Variants in HCN1 observed in about 807,000 individuals in gnomAD.
HCN1 encodes potassium/sodium hyperpolarization-activated cyclic nucleotide-gated channel 1.
A neutral mutation model predicts 78.9 loss-of-function variants in HCN1; 13 were observed. That is an observed-to-expected ratio of 0.16 (90% CI 0.11 to 0.26). The LOEUF is 0.26. HCN1 is among the 10% of genes least tolerant of loss of function. The pLI is 1.00. For missense variants in HCN1, 810 were observed against 1,154.3 expected, an observed-to-expected ratio of 0.70 and a Z score of 4.32; for synonymous variants, 552 against 455.5, an observed-to-expected ratio of 1.21 and a Z score of -2.70.
intron 2 of HCN1, among the ~76,000 whole-genome samples, chr5:45,623,113 A>G (rs1054487792): frequency 1.3e-5 from 2 of 152,098 alleles, no homozygotes; most frequent in Admixed American, 1.3e-4. Context: ...TTCATAATAC[A>G]CCACTTTTCA....
intron 2 of HCN1, among the ~76,000 whole-genome samples, chr5:45,567,895 A>C (rs1743742604): frequency 7.4e-6 from 1 of 134,546 alleles, no homozygotes; most frequent in Non-Finnish European, 1.6e-5. Context: ...CCTCTATCTT[A>C]CTTTCATATG....
chr5:45,679,360 T>C (rs1481675223), intron 1 of HCN1, among the ~76,000 whole-genome samples: 1 of 152,080 alleles, frequency 6.6e-6, no homozygotes, highest in African/African-American at 2.4e-5. Flanking sequence ...CAGCTAATAC[T>C]GCATTTGGAA....
At chr5:45,588,592 T>C (rs1246654406) in intron 2 of HCN1, among the ~76,000 whole-genome samples, 1 of 152,162 alleles carries the variant, frequency 6.6e-6, no homozygotes, top group African/African-American at 2.4e-5. Flanking sequence ...CCAGGCATTA[T>C]GATAATTTTA....
At chr5:45,303,146 G>T (rs1285787555) in intron 6 of HCN1, among the ~76,000 whole-genome samples, 1 of 152,054 alleles carries the variant, frequency 6.6e-6, no homozygotes, top group Non-Finnish European at 1.5e-5. Flanking sequence ...GAATAGCAAT[G>T]ATTTTTGCAA....
chr5:45,633,140 T>A (rs1358166480), intron 2 of HCN1, among the ~76,000 whole-genome samples: 1 of 151,954 alleles, frequency 6.6e-6, no homozygotes, highest in Non-Finnish European at 1.5e-5. Context: ...TAAGACTGCC[T>A]ATAAAATTAA....
chr5:45,360,963 G>A (rs903708462), intron 4 of HCN1, among the ~76,000 whole-genome samples: 9 of 151,990 alleles, frequency 5.9e-5, no homozygotes, highest in African/African-American at 2.2e-4. Flanking sequence ...ATATGCAAAA[G>A]CTTTTTTGAA....
At chr5:45,663,775 T>C (rs1745972857) in intron 1 of HCN1, among the ~76,000 whole-genome samples, 1 of 151,470 alleles carries the variant, frequency 6.6e-6, no homozygotes, top group African/African-American at 2.4e-5. Context: ...CTCACACCAG[T>C]TAGAATGGCA....
At chr5:45,298,314 C>A (rs1247770960) in intron 6 of HCN1, among the ~76,000 whole-genome samples, 1 of 151,980 alleles carries the variant, frequency 6.6e-6, no homozygotes, top group Admixed American at 6.6e-5. Context: ...GCTCCCTCAC[C>A]ATGTGATACC....
chr5:45,536,324 T>C, intron 2 of HCN1, among the ~76,000 whole-genome samples: 1 of 152,180 alleles, frequency 6.6e-6, no homozygotes, highest in Non-Finnish European at 1.5e-5. Context: ...TCCAATTACA[T>C]TATGTTAGAC....
chr5:45,451,621 AC>A (rs2111599137), intron 3 of HCN1, among the ~76,000 whole-genome samples: 1 of 152,128 alleles, frequency 6.6e-6, no homozygotes, highest in East Asian at 1.9e-4. Flanking sequence ...TGGAAATGAT[AC>A]CTTTTTCTAT....
At chr5:45,481,002 G>C (rs772224586) in intron 2 of HCN1, among the ~76,000 whole-genome samples, 1 of 152,128 alleles carries the variant, frequency 6.6e-6, no homozygotes, top group Non-Finnish European at 1.5e-5. Flanking sequence ...AGAATGTAAG[G>C]CTTAGAGTTT....
At position 45,259,188 on chromosome 5, in the gene HCN1, A is replaced by G. The variant is rs1181256203; in HGVS notation, c.*2733T>C. On this transcript the variant is annotated 3_prime_UTR_variant, in exon 8 of 8. Transcript: ENST00000303230. ...GATGTAAAAATAGAGGCAAAGCTGT[A>G]CTCATTAATAAAATAAAACATTTGA... is the stretch of plus-strand genomic sequence containing the variant. 6.6e-6 allele frequency: 1 copy of G among 152,002 alleles called. No individual in the cohort carries two copies. The highest frequency in any genetic ancestry group is 2.4e-5 in the African/African-American group (1 of 41,440). The allele number at this position is 152,002 out of a possible 1,614,324, so 9.4% of individuals were successfully genotyped here.
chr5:45,579,120 CACAGAACTATTGAAT>C (rs1744005708), intron 2 of HCN1, among the ~76,000 whole-genome samples: 1 of 151,916 alleles, frequency 6.6e-6, no homozygotes, highest in Admixed American at 6.6e-5. Flanking sequence ...ATTAAATATA[CACAGAACTATTGAAT>C]AAAGAACAAA....
intron 6 of HCN1, among the ~76,000 whole-genome samples, chr5:45,303,131 T>C (rs1250721136): frequency 6.6e-6 from 1 of 152,136 alleles, no homozygotes; most frequent in Non-Finnish European, 1.5e-5. Flanking sequence ...TGGGCAATCA[T>C]ATGTGAATAG....
chr5:45,658,605 C>G (rs891269007), intron 1 of HCN1, among the ~76,000 whole-genome samples: 110 of 151,610 alleles, frequency 7.3e-4, no homozygotes, highest in Non-Finnish European at 1.3e-3. Flanking sequence ...GCGCACCGTG[C>G]GCGAGCCGAA....
intron 4 of HCN1, among the ~76,000 whole-genome samples, chr5:45,358,120 AT>A (rs1747038951): frequency 6.6e-6 from 1 of 152,040 alleles, no homozygotes; most frequent in Admixed American, 6.6e-5. Flanking sequence ...TTCTTTATTA[AT>A]TACCCGATCT....
At chr5:45,279,829 C>A (rs1745125849) in intron 6 of HCN1, among the ~76,000 whole-genome samples, 1 of 151,954 alleles carries the variant, frequency 6.6e-6, no homozygotes, top group Non-Finnish European at 1.5e-5. Flanking sequence ...ATAACACCCC[C>A]AAAATTAATA....
chr5:45,548,032 A>G (rs926246947), intron 2 of HCN1, among the ~76,000 whole-genome samples: 1 of 151,904 alleles, frequency 6.6e-6, no homozygotes, highest in African/African-American at 2.4e-5. Flanking sequence ...AAACATTATC[A>G]GAGATATAAC....
At chr5:45,347,725 C>G (rs1346180012) in intron 5 of HCN1, among the ~76,000 whole-genome samples, 3 of 151,996 alleles carry the variant, frequency 2.0e-5, no homozygotes, top group Non-Finnish European at 4.4e-5. Context: ...AATGCAGAAG[C>G]CTCAGGAGCC....
Sources: gnomAD v4.1 joint callset for allele counts (sites outside exome capture counted in the v4.1 genomes callset) on GRCh38, gnomAD v4.1.1 for gene constraint, MANE v1.5 for transcripts, NCBI Gene and HGNC (gene_info 2026-07-23, HGNC 2026-07-21) for gene names.